The following COL22A1 variants were observed in gnomAD, a reference collection of about 807,000 sequenced individuals.
COL22A1 encodes the protein collagen alpha-1(XXII) chain.
Under a neutral mutation model 248.9 loss-of-function variants are expected in COL22A1, and 221 were observed. That is an observed-to-expected ratio of 0.89 (90% CI 0.80 to 0.99). The LOEUF (loss-of-function observed/expected upper bound fraction) is 0.99, where lower values mean the gene tolerates loss of function less well. Among genes scored for constraint, COL22A1 ranks in the 50% least tolerant of loss-of-function variants. The pLI, the probability that COL22A1 is intolerant of heterozygous loss-of-function variation, is 0.00. For missense variants in COL22A1, 2,240 were observed against 2,179.0 expected (o/e 1.03, Z -0.56); for synonymous variants, 891 against 793.4 (o/e 1.12, Z -2.07).
At chr8:138,638,270 T>C (rs989264425) in intron 47 of COL22A1, among the ~76,000 whole-genome samples, 6 of 152,222 alleles carry the variant, frequency 3.9e-5, no homozygotes, top group Non-Finnish European at 8.8e-5. Context: ...TTTAAAAGAA[T>C]GCATTATGCA....
intron 22 of COL22A1, among the ~76,000 whole-genome samples, chr8:138,740,771 A>G (rs1831494494): frequency 6.6e-6 from 1 of 152,208 alleles, no homozygotes; most frequent in South Asian, 2.1e-4. Flanking sequence ...GTGTCAGAGC[A>G]GGTCTTTCAT....
chr8:138,690,835 G>A lies in COL22A1; in HGVS notation c.2794C>T (p.Pro932Ser). ...CAATTACTCACCACACTTCCTGGAG[G>A]GCCACTGGGACCGGGGGCACCGACA... is the stretch of plus-strand genomic sequence containing the variant. ...GHVGAPGPSGPPGSVGAPGLR... is the reference protein window; with the variant it reads ...GHVGAPGPSGSPGSVGAPGLR... The change falls in exon 36 of 65, where the codon CCT (proline) becomes TCT (serine). Residue 932 changes from proline (P) to serine (S), a missense_variant. Transcript: ENST00000303045. 1 of 1,610,018 alleles carries A rather than the reference G, an allele frequency of 6.2e-7. No homozygotes were observed. Among genetic ancestry groups the A allele is most frequent in the South Asian group, 1.1e-5 (1 of 90,102 alleles).
intron 5 of COL22A1, among the ~76,000 whole-genome samples, chr8:138,828,966 T>C (rs2131802550): frequency 6.6e-6 from 1 of 152,266 alleles, no homozygotes; most frequent in East Asian, 1.9e-4. Flanking sequence ...CTCAGGAATG[T>C]ACATGATATT....
intron 22 of COL22A1, among the ~76,000 whole-genome samples, chr8:138,744,626 C>A (rs1831961788): frequency 6.6e-6 from 1 of 152,172 alleles, no homozygotes; most frequent in Non-Finnish European, 1.5e-5. Flanking sequence ...TGATGTATAC[C>A]TTTAAGTCTT....
At position 138,802,875 on chromosome 8, in the gene COL22A1, A is replaced by G. The variant is rs779352190; in HGVS notation, c.1554T>C (p.Asp518=). 6.2e-6 allele frequency: 10 copies of G among 1,613,404 alleles called. No homozygotes were observed. Among genetic ancestry groups the G allele is most frequent in the Non-Finnish European group, 7.6e-6 (9 of 1,179,494 alleles). The change falls in exon 11 of 65, where the codon GAT becomes GAC. Residue 518 remains aspartate, a synonymous_variant. Transcript: ENST00000303045. ...AGAGGAGCAGCCATCTACTCACCAC[A>G]TCACCTTTCTCTCCCTTAGGTCCAG... ...GAPGPKGEKG[D]VGIGPFGQGE...
chr8:138,652,972 C>T (rs986788674), intron 45 of COL22A1, among the ~76,000 whole-genome samples: 5 of 151,946 alleles, frequency 3.3e-5, no homozygotes, highest in Admixed American at 6.6e-5. Context: ...ATCTTGCACT[C>T]CTGGCCTCAA....
intron 22 of COL22A1, among the ~76,000 whole-genome samples, chr8:138,749,323 C>T (rs1214936743): frequency 2.0e-5 from 3 of 152,160 alleles, no homozygotes; most frequent in African/African-American, 7.2e-5. Flanking sequence ...CCCTCCTTGC[C>T]TTAACAAGAG....
chr8:138,629,316 G>T (rs758432666), intron 50 of COL22A1, among the ~76,000 whole-genome samples: 1 of 151,930 alleles, frequency 6.6e-6, no homozygotes, highest in Non-Finnish European at 1.5e-5. Flanking sequence ...GCCACCGTGC[G>T]AGACTAATTT....
intron 49 of COL22A1, among the ~76,000 whole-genome samples, chr8:138,633,940 A>G (rs952685370): frequency 1.3e-5 from 2 of 152,182 alleles, no homozygotes; most frequent in African/African-American, 2.4e-5. Context: ...ATTAACATCA[A>G]AGGCGCTTGG....
At chr8:138,637,893 C>T (rs1013573362) in intron 47 of COL22A1, among the ~76,000 whole-genome samples, 4 of 152,104 alleles carry the variant, frequency 2.6e-5, no homozygotes, top group Admixed American at 6.6e-5. Context: ...TAATCACTAT[C>T]ATAATCATGA....
At chr8:138,643,647 T>TAGATAGACAGACAGACAGACAGACAGAC (rs568597361) in intron 47 of COL22A1, among the ~76,000 whole-genome samples, 45 of 26,586 alleles carry the variant, frequency 1.7e-3, no homozygotes, top group African/African-American at 2.6e-3. Context: ...GATAGATAGA[T>TAGATAGACAGACAGACAGACAGACAGAC]AGACAGATAG....
intron 14 of COL22A1, 145 bp from the exon 15 acceptor site, chr8:138,778,551 C>G: frequency 1.5e-6 from 1 of 677,486 alleles, no homozygotes; most frequent in Non-Finnish European, 2.5e-6. Flanking sequence ...TGGCACAGGT[C>G]TCGCCAGCAG....
At chr8:138,603,288 A>T (rs1401006490) in intron 59 of COL22A1, among the ~76,000 whole-genome samples, 1 of 152,212 alleles carries the variant, frequency 6.6e-6, no homozygotes, top group African/African-American at 2.4e-5. Flanking sequence ...GACTGATTTA[A>T]TTGCTGTAAC....
intron 22 of COL22A1, among the ~76,000 whole-genome samples, chr8:138,751,235 C>A (rs538285366): frequency 2.6e-5 from 4 of 152,206 alleles, no homozygotes; most frequent in Non-Finnish European, 5.9e-5. Flanking sequence ...TGACTCCTGG[C>A]AGACAACAGA....
At chr8:138,830,901 C>G (rs533977773) in intron 5 of COL22A1, among the ~76,000 whole-genome samples, 5 of 151,908 alleles carry the variant, frequency 3.3e-5, no homozygotes, top group East Asian at 3.9e-4. Context: ...GTGCACCCCC[C>G]ACATGAGCAT....
At chr8:138,686,143 C>T (rs1358130352) in intron 37 of COL22A1, among the ~76,000 whole-genome samples, 1 of 152,204 alleles carries the variant, frequency 6.6e-6, no homozygotes, top group Non-Finnish European at 1.5e-5. Context: ...CAATCCAATC[C>T]CTCTTACAGT....
At chr8:138,757,202 A>G (rs1477873006) in intron 18 of COL22A1, among the ~76,000 whole-genome samples, 1 of 152,188 alleles carries the variant, frequency 6.6e-6, no homozygotes, top group Non-Finnish European at 1.5e-5. Context: ...CTTCACGAAC[A>G]TCCTTCAACA....
intron 7 of COL22A1, among the ~76,000 whole-genome samples, chr8:138,814,165 C>T (rs1818483828): frequency 6.6e-6 from 1 of 152,234 alleles, no homozygotes; most frequent in African/African-American, 2.4e-5. Context: ...TGCACTTGCA[C>T]TCTGCAGCAT....
intron 61 of COL22A1, among the ~76,000 whole-genome samples, chr8:138,597,848 G>C (rs1049413942): frequency 6.6e-6 from 1 of 152,250 alleles, no homozygotes; most frequent in African/African-American, 2.4e-5. Flanking sequence ...GAAGTCAGCT[G>C]AGTGCTCCAG....
Sources: gnomAD v4.1 joint callset for allele counts (sites outside exome capture counted in the v4.1 genomes callset) on GRCh38, gnomAD v4.1.1 for gene constraint, MANE v1.5 for transcripts, NCBI Gene and HGNC (gene_info 2026-07-23, HGNC 2026-07-21) for gene names.